Variants in KCNK2 observed in about 807,000 individuals in gnomAD.
KCNK2 encodes the protein potassium channel subfamily K member 2.
Under a neutral mutation model 40.5 loss-of-function variants are expected in KCNK2, and 21 were observed. That is an observed-to-expected ratio of 0.52 (90% confidence interval 0.37 to 0.75). The LOEUF (loss-of-function observed/expected upper bound fraction) is 0.75, where lower values mean the gene tolerates loss of function less well. KCNK2 is among the 30% of genes least tolerant of loss of function. The probability of loss-of-function intolerance (pLI) is 0.00; values close to 1 mark genes in which losing one functional copy is unlikely to be tolerated. For synonymous variants in KCNK2, 191 were observed against 202.2 expected, an observed-to-expected ratio of 0.94 and a Z score of 0.47; for missense variants, 399 against 531.6, an observed-to-expected ratio of 0.75 and a Z score of 2.45.
chr1:215,138,980 CAT>C (rs1243339064), intron 3 of KCNK2, among the ~76,000 whole-genome samples: 1 of 152,172 alleles, frequency 6.6e-6, no homozygotes, highest in Non-Finnish European at 1.5e-5. Context: ...GAAAGAAAAT[CAT>C]ATTCTTTCAC....
chr1:215,064,069 G>A (rs1375558005), intron 1 of KCNK2, among the ~76,000 whole-genome samples: 1 of 152,104 alleles, frequency 6.6e-6, no homozygotes, highest in African/African-American at 2.4e-5. Flanking sequence ...TGACAAGACT[G>A]AGGAAAAATA....
At chr1:215,174,721 C>A (rs569391219) in intron 5 of KCNK2, among the ~76,000 whole-genome samples, 211 of 152,196 alleles carry the variant, frequency 1.4e-3, no homozygotes, top group African/African-American at 5.0e-3. Context: ...ATATTTTATT[C>A]TCTTTGAAGC....
At chr1:215,086,266 C>A (rs1659430675) in intron 1 of KCNK2, 102 bp from the exon 2 acceptor site, 2 of 919,258 alleles carry the variant, frequency 2.2e-6, no homozygotes, top group African/African-American at 1.7e-5. Context: ...ACTAGGAGAG[C>A]GAGCGGAATT....
chr1:215,033,758 C>T lies in KCNK2; in HGVS notation c.34+27803C>T, dbSNP rs117898316. Among the ~76,000 whole-genome samples the T allele has an allele frequency of 2.6e-3, 396 of 152,264 alleles. 9 individuals carry two copies. The East Asian group carries it at 0.064, about 25-fold the overall frequency. On this transcript the variant is annotated intron_variant, in intron 1 of 6. Transcript: ENST00000391895. ...CTCCGATAAAACCCCAGCAGGTAGG[C>T]TGTGGTTAAATAATTTCTCCTGAGG...
intron 3 of KCNK2, among the ~76,000 whole-genome samples, chr1:215,151,172 GA>G (rs1464139867): frequency 1.3e-5 from 2 of 151,974 alleles, no homozygotes; most frequent in Non-Finnish European, 1.5e-5. Flanking sequence ...AGTGTCTAGA[GA>G]AAAAAATATT....
At chr1:215,207,966 T>C (rs1263673753) in intron 6 of KCNK2, among the ~76,000 whole-genome samples, 2 of 152,186 alleles carry the variant, frequency 1.3e-5, no homozygotes, top group African/African-American at 4.8e-5. Flanking sequence ...TGTGTGGCAA[T>C]TCCTCAAAGA....
At chr1:215,228,265 C>CA (rs1231029250) in intron 6 of KCNK2, among the ~76,000 whole-genome samples, 1 of 152,154 alleles carries the variant, frequency 6.6e-6, no homozygotes, top group African/African-American at 2.4e-5. Flanking sequence ...AACAGTGAGA[C>CA]AACAGCCATG....
chr1:215,128,429 C>T (rs1297410055), intron 3 of KCNK2, among the ~76,000 whole-genome samples: 4 of 152,132 alleles, frequency 2.6e-5, no homozygotes, highest in African/African-American at 9.7e-5. Context: ...GCCAGGAGTA[C>T]AAAGGAAGTA....
At chr1:215,223,315 A>G (rs2102702772) in intron 6 of KCNK2, among the ~76,000 whole-genome samples, 1 of 150,750 alleles carries the variant, frequency 6.6e-6, no homozygotes, top group Non-Finnish European at 1.5e-5. Context: ...TGGTAATTGG[A>G]AAAACCTTAC....
intron 3 of KCNK2, among the ~76,000 whole-genome samples, chr1:215,159,625 A>G (rs12138874): frequency 0.078 from 11,912 of 152,004 alleles, 525 homozygotes; most frequent in Middle Eastern, 0.15. Context: ...CTATGGTTTT[A>G]TTTCCCTTCA....
intron 1 of KCNK2, among the ~76,000 whole-genome samples, chr1:215,007,185 G>GTGTATA (rs1398746959): frequency 7.1e-4 from 22 of 31,024 alleles, no homozygotes; most frequent in African/African-American, 2.5e-3. Flanking sequence ...ATGTGTGTGG[G>GTGTATA]TATATATATA....
intron 1 of KCNK2, among the ~76,000 whole-genome samples, chr1:215,012,603 C>T (rs1198558300): frequency 6.7e-6 from 1 of 150,196 alleles, no homozygotes; most frequent in Non-Finnish European, 1.5e-5. Flanking sequence ...TGCCAAGTAG[C>T]TGGGATTACT....
At chr1:215,089,087 A>G (rs1262996301) in intron 2 of KCNK2, among the ~76,000 whole-genome samples, 1 of 152,194 alleles carries the variant, frequency 6.6e-6, no homozygotes, top group Non-Finnish European at 1.5e-5. Flanking sequence ...GCCAATAATC[A>G]TATATTAGAA....
chr1:215,180,319 C>T (rs2102648074), intron 5 of KCNK2, among the ~76,000 whole-genome samples: 1 of 152,144 alleles, frequency 6.6e-6, no homozygotes, highest in Admixed American at 6.5e-5. Context: ...CAACTTGTCC[C>T]TCTGTGCCTT....
intron 6 of KCNK2, among the ~76,000 whole-genome samples, chr1:215,214,860 A>G (rs919835837): frequency 1.5e-4 from 23 of 152,078 alleles, no homozygotes; most frequent in African/African-American, 5.3e-4. Flanking sequence ...CAAAAACCAA[A>G]AAAAAATCAT....
Position 215,204,589 on chromosome 1 carries a change from G to C in KCNK2, c.963+9497G>C, listed in dbSNP as rs192948689. On this transcript the variant is annotated intron_variant, in intron 6 of 6. Transcript: ENST00000444842. The stretch of plus-strand genomic sequence containing the variant: ...AGGAAAAGTGGCCACCATGAACTTA[G>C]CTTTCAAAATTGTTTTTGGACTTTC... Among the ~76,000 whole-genome samples the C allele has an allele frequency of 1.8e-4, 27 of 152,126 alleles. No individual in the cohort carries two copies. The East Asian group carries it at 4.3e-3, about 24-fold the overall frequency.
At chr1:215,048,146 A>G (rs1239064042) in intron 1 of KCNK2, among the ~76,000 whole-genome samples, 1 of 152,172 alleles carries the variant, frequency 6.6e-6, no homozygotes, top group Non-Finnish European at 1.5e-5. Context: ...TATTTTTCCC[A>G]TACTTGAATG....
At chr1:215,039,478 A>C (rs1055529447) in intron 1 of KCNK2, among the ~76,000 whole-genome samples, 1 of 152,140 alleles carries the variant, frequency 6.6e-6, no homozygotes, top group Admixed American at 6.6e-5. Context: ...CTAGAAGTGA[A>C]TCATTGCCAA....
At chr1:215,060,116 C>G (rs1328041666) in intron 1 of KCNK2, among the ~76,000 whole-genome samples, 1 of 152,156 alleles carries the variant, frequency 6.6e-6, no homozygotes, top group East Asian at 1.9e-4. Flanking sequence ...GAGGTGAGAG[C>G]CAACAGGCCT....
Sources: gnomAD v4.1 joint callset for allele counts (sites outside exome capture counted in the v4.1 genomes callset) on GRCh38, gnomAD v4.1.1 for gene constraint, MANE v1.5 for transcripts, NCBI Gene and HGNC (gene_info 2026-07-23, HGNC 2026-07-21) for gene names.